The following HIVEP2 variants were observed in gnomAD, a reference collection of about 807,000 sequenced individuals.
The protein encoded by HIVEP2 is transcription factor HIVEP2.
In HIVEP2, 14 loss-of-function variants were observed where a neutral mutation model predicts 180.7. The observed-to-expected ratio is 0.08, with a 90% confidence interval of 0.05 to 0.12. The LOEUF (loss-of-function observed/expected upper bound fraction) is 0.12. Ranked by LOEUF, HIVEP2 falls within the 10% of genes least tolerant of loss-of-function variation. The probability of loss-of-function intolerance (pLI) is 1.00; values close to 1 mark genes in which losing one functional copy is unlikely to be tolerated. For missense variants in HIVEP2, 2,579 were observed against 3,008.5 expected, an observed-to-expected ratio of 0.86 and a Z score of 3.34; for synonymous variants, 1,184 against 1,136.4, an observed-to-expected ratio of 1.04 and a Z score of -0.84.
At chr6:142,924,325 T>C (rs1213236346) in intron 1 of HIVEP2, among the ~76,000 whole-genome samples, 2 of 152,184 alleles carry the variant, frequency 1.3e-5, no homozygotes, top group African/African-American at 4.8e-5. Flanking sequence ...ATTTCCTCAT[T>C]CAGCACCCGT....
At chr6:142,802,610 A>G (rs957423210) in intron 2 of HIVEP2, among the ~76,000 whole-genome samples, 1 of 152,150 alleles carries the variant, frequency 6.6e-6, no homozygotes, top group Non-Finnish European at 1.5e-5. Context: ...TTGCCCTTCT[A>G]TTCCTAATAT....
At chr6:142,764,667 T>C in intron 7 of HIVEP2, 132 bp downstream of exon 7, 1 of 732,914 alleles carries the variant, frequency 1.4e-6, no homozygotes, top group Non-Finnish European at 2.3e-6. Context: ...AGGGAGAAAA[T>C]ATATTTCGTG....
chr6:142,771,763 A>G lies in HIVEP2; in HGVS notation c.2976T>C (p.Ser992=), dbSNP rs1477726482. The G allele has an allele frequency of 6.2e-6, 10 of 1,614,106 alleles. No homozygotes were observed. The African/African-American group carries it at 1.3e-4, about 22-fold the overall frequency. Residue 992 remains serine (S), a synonymous_variant, in exon 5 of 10, where the codon TCT becomes TCC. Coordinates refer to ENST00000367603, the MANE Select transcript of HIVEP2 (RefSeq NM_006734.4). This position sits in a 1 kb window ranked among gnomAD's most constrained non-coding sequence, Gnocchi z 5.4. ...SFEREETSKL[S]ALPKQDEFGK... ...CAAACTCATCCTGCTTAGGAAGTGCAGAAAGCTTACTGGTTTCTTCTCTTT... is the reference window on the plus strand; with the variant it reads ...CAAACTCATCCTGCTTAGGAAGTGCGGAAAGCTTACTGGTTTCTTCTCTTT...
In HIVEP2 at chr6:142,854,821, C is replaced by T. The variant is rs376657669; in HGVS notation, c.-640-17774G>A. ...GGAACATGCACACGTTCCTGAAATGCTCGCAGCCACCCAGTATTAAAGCAA... is the reference window on the plus strand; with the variant it reads ...GGAACATGCACACGTTCCTGAAATGTTCGCAGCCACCCAGTATTAAAGCAA... On this transcript the variant is annotated intron_variant, in intron 1 of 9. Coordinates refer to ENST00000367603, the MANE Select transcript of HIVEP2 (RefSeq NM_006734.4). Among the ~76,000 whole-genome samples the T allele has an allele frequency of 9.2e-5, 14 of 152,242 alleles. No homozygotes were observed. In the East Asian group the frequency reaches 2.7e-3, roughly 29 times the overall value.
At chr6:142,801,554 A>T (rs2114761287) in intron 2 of HIVEP2, among the ~76,000 whole-genome samples, 1 of 152,170 alleles carries the variant, frequency 6.6e-6, no homozygotes, top group East Asian at 1.9e-4. Context: ...TTTACTCCAG[A>T]TCTAGTATTT....
At chr6:142,874,853 C>T (rs752733620) in intron 1 of HIVEP2, among the ~76,000 whole-genome samples, 16 of 152,156 alleles carry the variant, frequency 1.1e-4, no homozygotes, top group East Asian at 1.9e-4. Context: ...GTCAGAGGTC[C>T]CCTGTCCTGA....
intron 1 of HIVEP2, among the ~76,000 whole-genome samples, chr6:142,840,857 C>T (rs971862878): frequency 5.3e-5 from 8 of 152,100 alleles, no homozygotes; most frequent in Non-Finnish European, 1.2e-4. Flanking sequence ...TACAAAGCCA[C>T]CAGCAGTAGA....
At chr6:142,899,037 G>A (rs1416131815) in intron 1 of HIVEP2, among the ~76,000 whole-genome samples, 1 of 152,130 alleles carries the variant, frequency 6.6e-6, no homozygotes, top group Non-Finnish European at 1.5e-5. Flanking sequence ...ATCGGAATAT[G>A]TCCCCTGTCT....
At chr6:142,847,077 T>C (rs930271394) in intron 1 of HIVEP2, among the ~76,000 whole-genome samples, 5 of 152,180 alleles carry the variant, frequency 3.3e-5, no homozygotes, top group Non-Finnish European at 5.9e-5. Flanking sequence ...TCAACTCTAA[T>C]CCACCCTGTA....
At chr6:142,863,949 A>C (rs1776070466) in intron 1 of HIVEP2, among the ~76,000 whole-genome samples, 1 of 152,182 alleles carries the variant, frequency 6.6e-6, no homozygotes, top group African/African-American at 2.4e-5. Context: ...CTTTGGTTCC[A>C]TGTGGAGAAA....
chr6:142,767,346 T>C (rs1448992191), intron 6 of HIVEP2, among the ~76,000 whole-genome samples: 3 of 152,164 alleles, frequency 2.0e-5, no homozygotes, highest in African/African-American at 7.2e-5. Context: ...GTGGTTTTAG[T>C]GGTGAAAATG....
intron 2 of HIVEP2, among the ~76,000 whole-genome samples, chr6:142,790,774 G>A (rs1481596819): frequency 2.0e-5 from 3 of 152,198 alleles, no homozygotes; most frequent in African/African-American, 7.2e-5. Context: ...ATAACAGGCT[G>A]ACCTTGCCTG....
At chr6:142,917,047 C>T (rs1023937133) in intron 1 of HIVEP2, among the ~76,000 whole-genome samples, 2 of 152,148 alleles carry the variant, frequency 1.3e-5, no homozygotes, top group Non-Finnish European at 2.9e-5. Flanking sequence ...AAATGCACTT[C>T]TTCTAATATT....
intron 1 of HIVEP2, among the ~76,000 whole-genome samples, chr6:142,901,171 T>C (rs1051333975): frequency 1.2e-4 from 18 of 152,204 alleles, no homozygotes; most frequent in African/African-American, 4.3e-4. Flanking sequence ...AGTGCATACA[T>C]GATGTGTGAG....
chr6:142,765,935 G>A (rs1228696514), intron 6 of HIVEP2, among the ~76,000 whole-genome samples: 1 of 152,130 alleles, frequency 6.6e-6, no homozygotes, highest in African/African-American at 2.4e-5. Flanking sequence ...TGGGTCTAAT[G>A]TTATTTTTGG....
intron 1 of HIVEP2, among the ~76,000 whole-genome samples, chr6:142,937,336 A>G (rs985371359): frequency 2.0e-5 from 3 of 152,216 alleles, no homozygotes; most frequent in Non-Finnish European, 4.4e-5. Flanking sequence ...TGTTTTTCTT[A>G]TAGTCTAATA....
chr6:142,881,690 C>T (rs1369353749), intron 1 of HIVEP2, among the ~76,000 whole-genome samples: 1 of 152,088 alleles, frequency 6.6e-6, no homozygotes, highest in Non-Finnish European at 1.5e-5. Flanking sequence ...TATATTCTTC[C>T]AAGTAAAAAG....
chr6:142,926,357 G>A (rs1365261655), intron 1 of HIVEP2, among the ~76,000 whole-genome samples: 1 of 152,190 alleles, frequency 6.6e-6, no homozygotes, highest in Non-Finnish European at 1.5e-5. Flanking sequence ...TGAACACTGA[G>A]ATCATTTTCT....
Position 142,850,871 on chromosome 6 carries a change from C to T in HIVEP2, c.-640-13824G>A, listed in dbSNP as rs187833708. Among the ~76,000 whole-genome samples, 49 of 152,348 alleles carry T rather than the reference C, an allele frequency of 3.2e-4. 1 individual carries two copies. Among genetic ancestry groups the T allele is most frequent in the Non-Finnish European group, 1.3e-4 (9 of 68,034 alleles). On this transcript the variant is annotated intron_variant, in intron 1 of 9. Transcript: ENST00000367603. ...CTCACCGTGGTTCTCACCCTGAACA[C>T]TGTCGCAGGACAAGAAAACAGTCAC... is the stretch of plus-strand genomic sequence containing the variant.
Sources: allele counts gnomAD v4.1 joint callset (sites outside exome capture counted in the v4.1 genomes callset), GRCh38; gene constraint gnomAD v4.1.1; non-coding constraint Gnocchi (gnomAD v3.1); transcripts MANE v1.5; gene names NCBI Gene and HGNC (gene_info 2026-07-23, HGNC 2026-07-21).